The following ICMT variants were observed in gnomAD, a reference collection of about 807,000 sequenced individuals.
ICMT encodes the protein isoprenylcysteine carboxyl methyltransferase, also known as protein-S-isoprenylcysteine O-methyltransferase.
ICMT carries 10 observed loss-of-function variants against 32.2 expected under a neutral mutation model. The observed-to-expected ratio is 0.31, with a 90% CI of 0.19 to 0.53. The LOEUF is 0.53. ICMT is among the 20% of genes least tolerant of loss of function. ICMT has a pLI of 0.96. For missense variants in ICMT, 265 were observed against 356.9 expected (o/e 0.74, Z 2.07); for synonymous variants, 183 against 158.2 (o/e 1.16, Z -1.18).
intron 4 of ICMT, among the ~76,000 whole-genome samples, chr1:6,228,293 T>G (rs1668675384): frequency 6.6e-6 from 1 of 151,200 alleles, no homozygotes; most frequent in Admixed American, 6.6e-5. Context: ...ATATTTTTAG[T>G]TTTTTCCTCT....
chr1:6,225,388 CTGGG>C, intron 4 of ICMT, 126 bp from the exon 5 acceptor site: 2 of 874,020 alleles, frequency 2.3e-6, no homozygotes, highest in Non-Finnish European at 3.5e-6. Context: ...GTCAGGGTCT[CTGGG>C]AGCAGTACTG....
At chr1:6,233,406 G>C in intron 3 of ICMT, 68 bp downstream of exon 3, 1 of 1,423,570 alleles carries the variant, frequency 7.0e-7, no homozygotes, top group Non-Finnish European at 9.6e-7. Flanking sequence ...GTGAATCAAT[G>C]TCACTGTCCT....
intron 3 of ICMT, among the ~76,000 whole-genome samples, chr1:6,233,078 A>C (rs200878847): frequency 1.3e-5 from 2 of 148,292 alleles, no homozygotes; most frequent in African/African-American, 5.0e-5. Context: ...CTGGTCTCGA[A>C]CTCCTGACCT....
rs754381859 is a variant in ICMT at position 6,225,267 on chromosome 1, CAGAG to C, written c.673-9_673-6del. 12 of 1,611,368 alleles carry C rather than the reference CAGAG, an allele frequency of 7.4e-6. No individual in the cohort carries two copies. The African/African-American group carries it at 1.1e-4, about 14-fold the overall frequency. ...GATGGGGTTACACAGCATCACCTAA[CAGAG>C]GGAGACACCAGGCTCATCAGGGTGA... is the stretch of plus-strand genomic sequence containing the variant. On this transcript the variant is annotated splice_region_variant and splice_polypyrimidine_tract_variant and intron_variant, in intron 4 of 4. Transcript: ENST00000343813.
chr1:6,229,774 TAA>T (rs1395001430), intron 4 of ICMT, among the ~76,000 whole-genome samples: 23 of 109,938 alleles, frequency 2.1e-4, no homozygotes, highest in African/African-American at 4.1e-4. Context: ...CATACATAAA[TAA>T]AAAAAATACA....
chr1:6,225,091 C>T lies in ICMT; in HGVS notation c.844G>A (p.Val282Met), dbSNP rs1347447703. 20 of 1,613,146 alleles carry T rather than the reference C, an allele frequency of 1.2e-5. No individual in the cohort carries two copies. The highest frequency in any genetic ancestry group is 1.7e-5 in the Non-Finnish European group (20 of 1,179,478). ...GGGGCCACTGCCCGTCACAGGTCCA[C>T]CTTGACCCCCTTTATGAAAGGCAGG... ...TGLPFIKGVK[V>M]DL The change falls in exon 5 of 5, where the codon GTG becomes ATG. Residue 282 changes from valine to methionine, a missense_variant. By Grantham distance (21) the Val-to-Met change is conservative (BLOSUM62 1). Transcript: ENST00000343813.
At chr1:6,227,502 A>G (rs1044008306) in intron 4 of ICMT, among the ~76,000 whole-genome samples, 1 of 152,234 alleles carries the variant, frequency 6.6e-6, no homozygotes, top group Non-Finnish European at 1.5e-5. Flanking sequence ...TCCAAGATCT[A>G]TTCACATTCT....
rs1269414434 is a variant in ICMT, at chr1:6,223,849, T to C, written c.*1231A>G. The stretch of plus-strand genomic sequence containing the variant: ...TCTTCAGTGCCACCGCAACACTGCA[T>C]GGCAGGATCTCACGCTGAGGCCAAG... On this transcript the variant is annotated 3_prime_UTR_variant, in exon 5 of 5. Transcript: ENST00000343813. The C allele has an allele frequency of 1.3e-5, 2 of 152,366 alleles. No individual in the cohort carries two copies. The highest frequency in any genetic ancestry group is 2.9e-5 in the Non-Finnish European group (2 of 68,050). The allele number at this position is 152,366 out of a possible 1,614,324, so 9.4% of individuals were successfully genotyped here.
chr1:6,235,525 T>C (rs1668809037), intron 1 of ICMT, among the ~76,000 whole-genome samples, 192 bp downstream of exon 1: 1 of 152,028 alleles, frequency 6.6e-6, no homozygotes, highest in African/African-American at 2.4e-5. Flanking sequence ...AGCTGCAATT[T>C]AACAACCCAC....
intron 1 of ICMT, among the ~76,000 whole-genome samples, chr1:6,235,407 G>A (rs930289363): frequency 3.3e-5 from 5 of 152,158 alleles, no homozygotes; most frequent in African/African-American, 7.2e-5. Flanking sequence ...GTCACTGCGG[G>A]GCCTTTGACC....
intron 4 of ICMT, among the ~76,000 whole-genome samples, chr1:6,229,849 C>T (rs1400142137): frequency 1.3e-5 from 2 of 151,022 alleles, no homozygotes; most frequent in Non-Finnish European, 2.9e-5. Context: ...TGGCTCACAC[C>T]TATAATCCTT....
rs2100959248 is a variant in ICMT, at chr1:6,224,949, G to A, written c.*131C>T. Reference sequence around the variant, plus strand: ...AGGCCTTCTGACCGCTTGGTCTTGAGTGACATTCCAGAAGAGTGACTAATG... The same window carrying A: ...AGGCCTTCTGACCGCTTGGTCTTGAATGACATTCCAGAAGAGTGACTAATG... On this transcript the variant is annotated 3_prime_UTR_variant, in exon 5 of 5. Transcript: ENST00000343813. 1 of 872,862 alleles carries A rather than the reference G, an allele frequency of 1.1e-6. No individual in the cohort carries two copies. Among genetic ancestry groups the A allele is most frequent in the Non-Finnish European group, 1.8e-6 (1 of 559,326 alleles). 54.1% of individuals were successfully genotyped at this position (872,862 alleles called of 1,614,324 possible). A position where few individuals can be genotyped will look rare whatever the true frequency, so the allele number is the denominator to read the frequency against.
chr1:6,227,371 C>G (rs538827113), intron 4 of ICMT, among the ~76,000 whole-genome samples: 1 of 152,288 alleles, frequency 6.6e-6, no homozygotes, highest in African/African-American at 2.4e-5. Context: ...ATCATTTGCC[C>G]CACCTATACC....
intron 4 of ICMT, among the ~76,000 whole-genome samples, chr1:6,226,601 T>C (rs969323404): frequency 4.6e-5 from 7 of 152,208 alleles, no homozygotes; most frequent in African/African-American, 1.4e-4. Context: ...GCCAGGCTCA[T>C]GTCCTGACCT....
chr1:6,229,548 A>G (rs147841041), intron 4 of ICMT, among the ~76,000 whole-genome samples: 208 of 152,142 alleles, frequency 1.4e-3, no homozygotes, highest in African/African-American at 4.8e-3. Flanking sequence ...AGTTTCAGCT[A>G]CTTAGAAGGC....
At chr1:6,230,360 C>A (rs1040663599) in intron 4 of ICMT, among the ~76,000 whole-genome samples, 43 of 152,122 alleles carry the variant, frequency 2.8e-4, no homozygotes, top group African/African-American at 9.9e-4. Flanking sequence ...AGTGACCCAC[C>A]CACTTCAGCC....
intron 4 of ICMT, among the ~76,000 whole-genome samples, chr1:6,227,800 G>T (rs1400762529): frequency 1.3e-5 from 2 of 152,084 alleles, no homozygotes; most frequent in Non-Finnish European, 2.9e-5. Flanking sequence ...AGCTTGCAGT[G>T]AGCCGAGATT....
At position 6,231,885 on chromosome 1, in the gene ICMT, C is replaced by A; in HGVS notation, c.672+17G>T. 2 of 1,415,898 alleles carry A rather than the reference C, an allele frequency of 1.4e-6. No individual in the cohort carries two copies. Among genetic ancestry groups the A allele is most frequent in the Non-Finnish European group, 9.6e-7 (1 of 1,043,198 alleles). The allele number at this position is 1,415,898 out of a possible 1,614,324, so 87.7% of individuals were successfully genotyped here. On this transcript the variant is annotated intron_variant, in intron 4 of 4. Coordinates refer to ENST00000343813, the MANE Select transcript of ICMT (RefSeq NM_012405.4). The stretch of plus-strand genomic sequence containing the variant: ...AAAAAAAAAAAAAGAAAAGCAGTGT[C>A]ATATTTAATATTATACCTGAGTTCC...
At position 6,222,863 on chromosome 1, in the gene ICMT, C is replaced by CT. The variant is rs1258175723; in HGVS notation, c.*2216dup. On this transcript the variant is annotated 3_prime_UTR_variant, in exon 5 of 5. Transcript: ENST00000343813. ...AAGAGCCGGGGCAGGATGCCAGAAT[C>CT]TAACTACATCCTCTCCCGGTTTGCA... 2 of 152,386 alleles carry CT rather than the reference C, an allele frequency of 1.3e-5. No individual in the cohort carries two copies. Among genetic ancestry groups the CT allele is most frequent in the South Asian group, 2.1e-4 (1 of 4,834 alleles). 9.4% of individuals were successfully genotyped at this position (152,386 alleles called of 1,614,324 possible).
Sources: gnomAD v4.1 joint callset for allele counts (sites outside exome capture counted in the v4.1 genomes callset) on GRCh38, gnomAD v4.1.1 for gene constraint, MANE v1.5 for transcripts, NCBI Gene and HGNC (gene_info 2026-07-23, HGNC 2026-07-21) for gene names.